Variants in DLG2 observed in about 807,000 individuals in gnomAD.
The protein encoded by DLG2 is disks large homolog 2.
Under a neutral mutation model 132.5 loss-of-function variants are expected in DLG2, and 45 were observed. The ratio of observed to expected loss-of-function variants is 0.34; its 90% CI spans 0.27 to 0.44. DLG2 has a LOEUF of 0.44. Ranked by LOEUF, DLG2 falls within the 20% of genes least tolerant of loss-of-function variation. The probability of loss-of-function intolerance (pLI) is 1.00; values close to 1 mark genes in which losing one functional copy is unlikely to be tolerated. For synonymous variants in DLG2, 424 were observed against 419.6 expected (o/e 1.01, Z -0.13); for missense variants, 1,045 against 1,196.9 (o/e 0.87, Z 1.87).
chr11:83,724,891 A>T (rs978293066), intron 18 of DLG2: 1 of 702,398 alleles, frequency 1.4e-6, no homozygotes, highest in Non-Finnish European at 2.6e-6. Context: ...GGTTTTCAGC[A>T]TAGCAGGCAG....
chr11:84,787,351 C>A (rs2073087837), intron 6 of DLG2, among the ~76,000 whole-genome samples: 1 of 152,140 alleles, frequency 6.6e-6, no homozygotes, highest in Non-Finnish European at 1.5e-5. Context: ...CTACTCTAGC[C>A]AAATCCAATT....
chr11:84,364,584 G>A (rs1179197502), intron 7 of DLG2, among the ~76,000 whole-genome samples: 2 of 152,212 alleles, frequency 1.3e-5, no homozygotes, highest in Non-Finnish European at 2.9e-5. Context: ...TCCCTGTCTT[G>A]TGCCAGTTTT....
At chr11:85,356,178 T>C (rs1223059021) in intron 3 of DLG2, among the ~76,000 whole-genome samples, 1 of 152,214 alleles carries the variant, frequency 6.6e-6, no homozygotes, top group Non-Finnish European at 1.5e-5. Flanking sequence ...TTCTGGGAAA[T>C]CATTCTCTAA....
At position 84,611,969 on chromosome 11, in the gene DLG2, A is replaced by G. The variant is rs565558559; in HGVS notation, c.358-77238T>C. On this transcript the variant is annotated intron_variant, in intron 6 of 27. Transcript: ENST00000376104. ...TATTTTGAAGTATAATTGACTAACA[A>G]CAACCTATTTAAAGTGTACAATTTA... Among the ~76,000 whole-genome samples, 36 of 152,278 alleles carry G rather than the reference A, an allele frequency of 2.4e-4. No homozygotes were observed. The South Asian group carries it at 5.4e-3, about 23-fold the overall frequency.
intron 6 of DLG2, among the ~76,000 whole-genome samples, chr11:84,543,978 A>G (rs1374241236): frequency 6.6e-6 from 1 of 152,220 alleles, no homozygotes; most frequent in Non-Finnish European, 1.5e-5. Context: ...AACTCTATGT[A>G]ATTACCTACT....
At chr11:84,361,010 T>G (rs1329138833) in intron 7 of DLG2, among the ~76,000 whole-genome samples, 3 of 151,750 alleles carry the variant, frequency 2.0e-5, no homozygotes, top group African/African-American at 7.2e-5. Context: ...AACCACAGAT[T>G]AAGATGCTGC....
At chr11:83,731,381 C>T (rs769272469) in intron 18 of DLG2, among the ~76,000 whole-genome samples, 3 of 152,118 alleles carry the variant, frequency 2.0e-5, no homozygotes, top group African/African-American at 7.2e-5. Flanking sequence ...AGTGAGAACA[C>T]GTAGTGTTTA....
intron 18 of DLG2, among the ~76,000 whole-genome samples, chr11:83,779,430 C>T (rs536928811): frequency 2.1e-4 from 32 of 152,250 alleles, no homozygotes; most frequent in African/African-American, 7.7e-4. Flanking sequence ...ACAACAGTAA[C>T]ATGCTAGAAA....
At chr11:84,883,854 T>C (rs2087775582) in intron 6 of DLG2, among the ~76,000 whole-genome samples, 1 of 152,146 alleles carries the variant, frequency 6.6e-6, no homozygotes, top group Admixed American at 6.6e-5. Context: ...GAACGCTGTG[T>C]GTCTGGATCT....
intron 18 of DLG2, among the ~76,000 whole-genome samples, chr11:83,775,859 A>G (rs760543815): frequency 7.9e-5 from 12 of 152,228 alleles, no homozygotes; most frequent in South Asian, 2.1e-4. Context: ...TTGGGAGGCC[A>G]AGGCGGGCGG....
At chr11:85,443,159 G>A (rs2091863395) in intron 3 of DLG2, among the ~76,000 whole-genome samples, 1 of 152,070 alleles carries the variant, frequency 6.6e-6, no homozygotes, top group Non-Finnish European at 1.5e-5. Flanking sequence ...TTTTTCTTAA[G>A]ATCTGTCACT....
chr11:84,610,904 T>C (rs2099594266), intron 6 of DLG2, among the ~76,000 whole-genome samples: 3 of 152,038 alleles, frequency 2.0e-5, no homozygotes, highest in Admixed American at 2.0e-4. Flanking sequence ...CTCCCTCTCC[T>C]GCCAAGTTTC....
At chr11:84,947,167 G>T (rs532382389) in intron 6 of DLG2, among the ~76,000 whole-genome samples, 1 of 152,276 alleles carries the variant, frequency 6.6e-6, no homozygotes, top group East Asian at 1.9e-4. Flanking sequence ...TTCCTTGATA[G>T]GATTTAAAAA....
intron 10 of DLG2, among the ~76,000 whole-genome samples, chr11:84,097,082 T>C (rs2097174999): frequency 6.6e-6 from 1 of 152,168 alleles, no homozygotes; most frequent in Non-Finnish European, 1.5e-5. Context: ...GAAGCTTACA[T>C]TTCGCTCCTT....
At chr11:84,100,964 G>C (rs926027921) in intron 9 of DLG2, among the ~76,000 whole-genome samples, 9 of 152,128 alleles carry the variant, frequency 5.9e-5, no homozygotes, top group Non-Finnish European at 1.3e-4. Context: ...AAAATCTCAT[G>C]TGTTTATACT....
intron 6 of DLG2, among the ~76,000 whole-genome samples, chr11:84,714,591 CTCTTTCTTTCTCTTTCTCTT>C (rs2060888834): frequency 1.8e-5 from 2 of 113,668 alleles, no homozygotes; most frequent in African/African-American, 4.1e-5. Flanking sequence ...CTTTCTCTTT[CTCTTTCTTTCTCTTTCTCTT>C]TCTCTTTCTC....
chr11:84,135,521 A>T (rs1316005110), intron 9 of DLG2, among the ~76,000 whole-genome samples: 1 of 152,108 alleles, frequency 6.6e-6, no homozygotes, highest in Non-Finnish European at 1.5e-5. Context: ...TCAGGGAAGG[A>T]TCCTAGAAGG....
intron 16 of DLG2, among the ~76,000 whole-genome samples, chr11:83,840,456 A>C (rs892351964): frequency 6.6e-5 from 10 of 152,210 alleles, no homozygotes; most frequent in Non-Finnish European, 1.3e-4. Flanking sequence ...GGTATGTCAA[A>C]ATCTAAATTC....
chr11:85,356,893 C>G (rs1486456941), intron 3 of DLG2, among the ~76,000 whole-genome samples: 1 of 152,070 alleles, frequency 6.6e-6, no homozygotes, highest in Non-Finnish European at 1.5e-5. Context: ...ATTCCACCCC[C>G]ACTCCTCAAC....
Sources: allele counts gnomAD v4.1 joint callset (sites outside exome capture counted in the v4.1 genomes callset), GRCh38; gene constraint gnomAD v4.1.1; transcripts MANE v1.5; gene names NCBI Gene and HGNC (gene_info 2026-07-23, HGNC 2026-07-21).